The following PKD1L1 variants were observed in gnomAD, a reference collection of about 807,000 sequenced individuals.
PKD1L1 encodes polycystin-1-like protein 1.
In PKD1L1, 236 loss-of-function variants were observed where a neutral mutation model predicts 323.4. That is an observed-to-expected ratio of 0.73 (90% CI 0.66 to 0.81). The LOEUF is 0.81. Among genes scored for constraint, PKD1L1 ranks in the 40% least tolerant of loss-of-function variants. The pLI, the probability that PKD1L1 is intolerant of heterozygous loss-of-function variation, is 0.00. For missense variants in PKD1L1, 3,320 were observed against 3,508.0 expected (o/e 0.95, Z 1.35); for synonymous variants, 1,344 against 1,335.0 (o/e 1.01, Z -0.15).
chr7:47,809,538 G>A lies in PKD1L1; in HGVS notation c.7621C>T (p.Gln2541Ter), dbSNP rs1229954381. The change falls in exon 51 of 57, where the codon CAA (glutamine) becomes TAA (stop). Residue 2541 changes from glutamine to a stop codon, truncating the protein, a stop_gained. Transcript: ENST00000289672. LOFTEE classifies it high-confidence loss of function. ...CCCTTGTCCATCATACGGTAGAGTT[G>A]AACACAGAGGTGGATCAGGCTGAGT... ...LALSLIHLCV[Q>*]LYRMMDKGVL... The A allele has an allele frequency of 6.2e-7, 1 of 1,608,380 alleles. No homozygotes were observed. The highest frequency in any genetic ancestry group is 1.3e-5 in the African/African-American group (1 of 74,816).
At chr7:47,775,257 C>T in intron 56 of PKD1L1, 91 bp from the exon 57 acceptor site, 1 of 1,427,956 alleles carries the variant, frequency 7.0e-7, no homozygotes, top group South Asian at 1.2e-5. Flanking sequence ...AAGTGCTGAT[C>T]AGACCTGAAC....
intron 33 of PKD1L1, among the ~76,000 whole-genome samples, chr7:47,844,473 C>T (rs1187300937): frequency 6.6e-6 from 1 of 152,106 alleles, no homozygotes; most frequent in Non-Finnish European, 1.5e-5. Context: ...GGTTCCTGTC[C>T]ATATCAGCTT....
At chr7:47,817,145 C>T (rs1382519560) in intron 46 of PKD1L1, among the ~76,000 whole-genome samples, 1 of 152,068 alleles carries the variant, frequency 6.6e-6, no homozygotes, top group African/African-American at 2.4e-5. Flanking sequence ...GCAGGAGAAT[C>T]GCTTGAACCC....
intron 31 of PKD1L1, among the ~76,000 whole-genome samples, chr7:47,850,032 G>A (rs1024923201): frequency 2.6e-5 from 4 of 152,120 alleles, no homozygotes; most frequent in Non-Finnish European, 5.9e-5. Flanking sequence ...AAGGATGAGG[G>A]GGTGAGAGAT....
At chr7:47,941,781 G>GTCACT (rs919930339) in intron 2 of PKD1L1, among the ~76,000 whole-genome samples, 3 of 152,072 alleles carry the variant, frequency 2.0e-5, no homozygotes, top group African/African-American at 7.2e-5. Context: ...AGTCATCAAA[G>GTCACT]TCACTGTGCT....
At position 47,852,606 on chromosome 7, in the gene PKD1L1, G is replaced by C. The variant is rs992999571; in HGVS notation, c.4960+521C>G. The stretch of plus-strand genomic sequence containing the variant: ...AGTTTCTTGCTTTTTTGGGGAAGGG[G>C]TTACTGAGGCTCAGAATCCTAAGCC... On this transcript the variant is annotated intron_variant, in intron 31 of 56. Coordinates refer to ENST00000289672, the MANE Select transcript of PKD1L1 (RefSeq NM_138295.5). Among the ~76,000 whole-genome samples the C allele has an allele frequency of 2.6e-5, 4 of 152,248 alleles. No homozygotes were observed. The South Asian group carries it at 8.3e-4, about 32-fold the overall frequency.
intron 14 of PKD1L1, among the ~76,000 whole-genome samples, chr7:47,896,827 C>T (rs1786947114): frequency 6.6e-6 from 1 of 152,150 alleles, no homozygotes; most frequent in South Asian, 2.1e-4. Flanking sequence ...TGACATTGAC[C>T]CTGCTCTGCT....
At position 47,890,636 on chromosome 7, in the gene PKD1L1, C is replaced by G. The variant is rs1390255363; in HGVS notation, c.2581G>C (p.Asp861His). 1 of 1,614,166 alleles carries G rather than the reference C, an allele frequency of 6.2e-7. No individual in the cohort carries two copies. Among genetic ancestry groups the G allele is most frequent in the Admixed American group, 1.7e-5 (1 of 60,024 alleles). The change falls in exon 16 of 57, where the codon GAT (aspartate) becomes CAT (histidine). Residue 861 changes from aspartate (D) to histidine (H), a missense_variant. Asp to His is a moderately conservative substitution (Grantham distance 81, BLOSUM62 -1). Transcript: ENST00000289672. ...ACCCTCAGCATCACAAGGAACTGATCATAGCTGTCACTGAGCCATTGTGCC... is the reference window on the plus strand; with the variant it reads ...ACCCTCAGCATCACAAGGAACTGATGATAGCTGTCACTGAGCCATTGTGCC... The part of the protein sequence containing the change: ...FEAQWLSDSY[D>H]QFLVMLRVSS...
At chr7:47,781,594 A>T (rs1419369117) in intron 56 of PKD1L1, among the ~76,000 whole-genome samples, 1 of 151,590 alleles carries the variant, frequency 6.6e-6, no homozygotes, top group African/African-American at 2.4e-5. Context: ...TATTTTTAGT[A>T]GAGACGGGGT....
At chr7:47,956,476 G>C in the PKD1L1 span, among the ~76,000 whole-genome samples, 1 of 152,120 alleles carries the variant, frequency 6.6e-6, no homozygotes, top group African/African-American at 2.4e-5. Context: ...CTGGGCTTAG[G>C]GCACCATTTG....
chr7:47,777,681 C>G (rs1743569138), intron 56 of PKD1L1, among the ~76,000 whole-genome samples: 1 of 152,144 alleles, frequency 6.6e-6, no homozygotes, highest in African/African-American at 2.4e-5. Context: ...AGCCATGCTG[C>G]TGCTATAACA....
At chr7:47,815,190 C>T in intron 47 of PKD1L1, 144 bp downstream of exon 47, 1 of 1,032,610 alleles carries the variant, frequency 9.7e-7, no homozygotes, top group Non-Finnish European at 1.4e-6. Context: ...TCTGCTGGGA[C>T]CCACTGGAGA....
intron 30 of PKD1L1, among the ~76,000 whole-genome samples, chr7:47,853,636 G>A (rs576247842): frequency 2.2e-4 from 34 of 151,990 alleles, no homozygotes; most frequent in African/African-American, 5.8e-4. Flanking sequence ...CCAACTACTC[G>A]GGAGGCTGAG....
chr7:47,813,968 A>AAAG lies in PKD1L1; in HGVS notation c.7135_7136insCTT (p.Ile2379delinsThrPhe). 6.2e-7 allele frequency: 1 copy of AAAG among 1,614,150 alleles called. No homozygotes were observed. Among genetic ancestry groups the AAAG allele is most frequent in the Non-Finnish European group, 8.5e-7 (1 of 1,180,034 alleles). Reference sequence around the variant, plus strand: ...CCTAGGAAAAACTTTTAGCTGCCTAATTACGGAACTGCCTATTAGGTAGCA... The same window carrying AAAG: ...CCTAGGAAAAACTTTTAGCTGCCTAAAAGTTACGGAACTGCCTATTAGGTAGCA... On this transcript the variant is annotated protein_altering_variant, in exon 48 of 57. Transcript: ENST00000289672.
Position 47,854,737 on chromosome 7 carries a change from G to A in PKD1L1, c.4859+145C>T, listed in dbSNP as rs1785858584. 2.9e-6 allele frequency: 3 copies of A among 1,027,892 alleles called. No individual in the cohort carries two copies. The East Asian group carries it at 7.5e-5, about 26-fold the overall frequency. 63.7% of individuals were successfully genotyped at this position (1,027,892 alleles called of 1,614,324 possible). A position where few individuals can be genotyped will look rare whatever the true frequency, so the allele number is the denominator to read the frequency against. On this transcript the variant is annotated intron_variant, in intron 30 of 56. Coordinates refer to ENST00000289672, the MANE Select transcript of PKD1L1 (RefSeq NM_138295.5). ...AGTCAGGAAGCTTAGCATCCAAACA[G>A]CAGAATAGATAACAATTTCTTTAAA...
intron 7 of PKD1L1, among the ~76,000 whole-genome samples, chr7:47,920,787 G>A (rs1787519064): frequency 6.6e-6 from 1 of 152,130 alleles, no homozygotes; most frequent in African/African-American, 2.4e-5. Context: ...AACATAAAGT[G>A]GGGAATGGAC....
At chr7:47,873,647 C>A (rs1332567699) in intron 24 of PKD1L1, among the ~76,000 whole-genome samples, 2 of 64,002 alleles carry the variant, frequency 3.1e-5, no homozygotes, top group East Asian at 3.2e-4. Flanking sequence ...GAGACTCTGT[C>A]TCAAAAAAAA....
intron 33 of PKD1L1, 92 bp from the exon 34 acceptor site, chr7:47,843,261 A>C (rs1481842468): frequency 5.2e-6 from 5 of 958,968 alleles, no homozygotes; most frequent in African/African-American, 3.3e-5. Flanking sequence ...CTTACACACA[A>C]AAGTCCCTGC....
chr7:47,800,929 A>C (rs1472659864), intron 53 of PKD1L1, 50 bp from the exon 54 acceptor site: 2 of 1,499,128 alleles, frequency 1.3e-6, no homozygotes, highest in Non-Finnish European at 9.3e-7. Flanking sequence ...TCTTCTTAGG[A>C]GTGGAAGACT....
Sources: gnomAD v4.1 joint callset for allele counts (sites outside exome capture counted in the v4.1 genomes callset) on GRCh38, gnomAD v4.1.1 for gene constraint, MANE v1.5 for transcripts, NCBI Gene and HGNC (gene_info 2026-07-23, HGNC 2026-07-21) for gene names.